The following FOXO1 variants were observed in gnomAD, a reference collection of about 807,000 sequenced individuals.
The protein encoded by FOXO1 is forkhead box O1, also known as forkhead box protein O1.
In FOXO1, 6 loss-of-function variants were observed where a neutral mutation model predicts 44.1. That is an observed-to-expected ratio of 0.14 (90% CI 0.07 to 0.27). The LOEUF is 0.27. Among genes scored for constraint, FOXO1 ranks in the 10% least tolerant of loss-of-function variants. The pLI, the probability that FOXO1 is intolerant of heterozygous loss-of-function variation, is 1.00. For missense variants in FOXO1, 737 were observed against 888.8 expected (o/e 0.83, Z 2.17); for synonymous variants, 380 against 362.7 (o/e 1.05, Z -0.54).
rs757909015 is a variant in FOXO1, at chr13:40,560,120, A to ACCG, written c.1370_1371insCGG (p.Cys457_Ala458insGly). 8 of 1,614,076 alleles carry ACCG rather than the reference A, an allele frequency of 5.0e-6. No homozygotes were observed. ...GCAACTCCTTCAAGAGTCCAGGCGC[A>ACCG]CAGTTATACTGACTCATACCTCCAT... On this transcript the variant is annotated inframe_insertion, in exon 2 of 3. Coordinates refer to ENST00000379561, the MANE Select transcript of FOXO1 (RefSeq NM_002015.4). The surrounding 1 kb of genome is among the most constrained non-coding windows in gnomAD (Gnocchi z 5.1).
chr13:40,566,820 G>A (rs911559875), intron 1 of FOXO1, among the ~76,000 whole-genome samples: 3 of 152,072 alleles, frequency 2.0e-5, no homozygotes, highest in Non-Finnish European at 2.9e-5. Context: ...ACCATTTACA[G>A]ACCACTAGTC....
intron 1 of FOXO1, among the ~76,000 whole-genome samples, chr13:40,633,208 A>G (rs555386499): frequency 6.6e-6 from 1 of 152,264 alleles, no homozygotes; most frequent in Non-Finnish European, 1.5e-5. Context: ...GTTCCTCAAA[A>G]GGTCGAACAA....
chr13:40,658,732 G>A (rs967439918), intron 1 of FOXO1, among the ~76,000 whole-genome samples: 2 of 152,182 alleles, frequency 1.3e-5, no homozygotes, highest in Admixed American at 6.5e-5. Flanking sequence ...AGACGTGGCC[G>A]GGCGCAGTGG....
At chr13:40,614,126 T>G (rs1261834294) in intron 1 of FOXO1, among the ~76,000 whole-genome samples, 28 of 152,182 alleles carry the variant, frequency 1.8e-4, no homozygotes, top group Admixed American at 1.6e-3. Context: ...GAGACAAATG[T>G]TGGAAAAGTC....
chr13:40,613,888 T>C (rs1221608103), intron 1 of FOXO1, among the ~76,000 whole-genome samples: 1 of 152,164 alleles, frequency 6.6e-6, no homozygotes, highest in African/African-American at 2.4e-5. Context: ...CTTGTTTTTC[T>C]AAGAACCTGT....
chr13:40,617,695 G>A (rs1392176800), intron 1 of FOXO1, among the ~76,000 whole-genome samples: 1 of 151,674 alleles, frequency 6.6e-6, no homozygotes, highest in African/African-American at 2.4e-5. Context: ...CATGTTGGGG[G>A]GAAAAAAAAT....
intron 1 of FOXO1, among the ~76,000 whole-genome samples, chr13:40,585,244 A>T (rs1432202444): frequency 6.6e-6 from 1 of 152,152 alleles, no homozygotes; most frequent in Non-Finnish European, 1.5e-5. Context: ...CAGAAGCAAG[A>T]GTTAAGAGAA....
chr13:40,640,277 A>AGGAAAG (rs1260787764), intron 1 of FOXO1, among the ~76,000 whole-genome samples: 13 of 152,228 alleles, frequency 8.5e-5, no homozygotes, highest in African/African-American at 2.2e-4. Context: ...TTAAAGGATA[A>AGGAAAG]GGAAAGGGAA....
At chr13:40,593,276 C>T (rs1875452230) in intron 1 of FOXO1, among the ~76,000 whole-genome samples, 1 of 152,158 alleles carries the variant, frequency 6.6e-6, no homozygotes, top group African/African-American at 2.4e-5. Context: ...GATCCGCCCA[C>T]AATGGCCTCA....
chr13:40,631,008 G>A (rs1418623963), intron 1 of FOXO1, among the ~76,000 whole-genome samples: 2 of 152,140 alleles, frequency 1.3e-5, no homozygotes, highest in African/African-American at 4.8e-5. Context: ...AAATTATGTT[G>A]TGGGGTGGAT....
intron 1 of FOXO1, among the ~76,000 whole-genome samples, chr13:40,628,674 A>G (rs1239794255): frequency 6.6e-6 from 1 of 152,254 alleles, no homozygotes; most frequent in Admixed American, 6.5e-5. Context: ...AAATGGGGAC[A>G]TGGCCAACCT....
At chr13:40,612,465 T>C (rs1170408798) in intron 1 of FOXO1, among the ~76,000 whole-genome samples, 1 of 152,196 alleles carries the variant, frequency 6.6e-6, no homozygotes, top group African/African-American at 2.4e-5. Context: ...AGAAGAGACT[T>C]GTGTGTGTGT....
At chr13:40,617,615 C>A (rs1021666116) in intron 1 of FOXO1, among the ~76,000 whole-genome samples, 1 of 151,930 alleles carries the variant, frequency 6.6e-6, no homozygotes. Flanking sequence ...GTACACACGC[C>A]TTAATAGGTC....
intron 1 of FOXO1, among the ~76,000 whole-genome samples, chr13:40,594,507 A>C (rs1875503560): frequency 6.6e-6 from 1 of 152,178 alleles, no homozygotes; most frequent in Admixed American, 6.5e-5. Context: ...GAAAGAGCAG[A>C]ATGCATGGAC....
At chr13:40,569,024 A>T (rs1280985067) in intron 1 of FOXO1, among the ~76,000 whole-genome samples, 1 of 152,230 alleles carries the variant, frequency 6.6e-6, no homozygotes, top group Non-Finnish European at 1.5e-5. Flanking sequence ...TCCCCTAGCC[A>T]AGCCAATCCT....
At chr13:40,659,556 T>A (rs1026584597) in intron 1 of FOXO1, among the ~76,000 whole-genome samples, 1 of 151,936 alleles carries the variant, frequency 6.6e-6, no homozygotes, top group African/African-American at 2.4e-5. Flanking sequence ...AGGTAAAAAT[T>A]CACTAAATTG....
At chr13:40,613,585 T>C (rs538529756) in intron 1 of FOXO1, among the ~76,000 whole-genome samples, 25 of 152,268 alleles carry the variant, frequency 1.6e-4, no homozygotes, top group African/African-American at 4.8e-4. Flanking sequence ...TAAGACCTTG[T>C]TTTATGTGTA....
At chr13:40,591,746 G>A (rs554492512) in intron 1 of FOXO1, among the ~76,000 whole-genome samples, 2 of 152,222 alleles carry the variant, frequency 1.3e-5, no homozygotes, top group East Asian at 3.9e-4. Context: ...CTATCGCCCA[G>A]GCTAGAGTGA....
intron 1 of FOXO1, among the ~76,000 whole-genome samples, chr13:40,581,115 C>T (rs909023304): frequency 1.3e-5 from 2 of 152,200 alleles, no homozygotes; most frequent in African/African-American, 4.8e-5. Context: ...GAGCTTTAGA[C>T]TTTTCTGGGA....
Sources: gnomAD v4.1 joint callset for allele counts (sites outside exome capture counted in the v4.1 genomes callset) on GRCh38, gnomAD v4.1.1 for gene constraint, Gnocchi (gnomAD v3.1) non-coding constraint, MANE v1.5 for transcripts, NCBI Gene and HGNC (gene_info 2026-07-23, HGNC 2026-07-21) for gene names.